Variants in DPP10 observed in about 807,000 individuals in gnomAD.
The protein encoded by DPP10 is dipeptidyl peptidase like 10, also known as inactive dipeptidyl peptidase 10.
DPP10 carries 33 observed loss-of-function variants against 120.9 expected under a neutral mutation model. That is an observed-to-expected ratio of 0.27 (90% CI 0.21 to 0.37). The LOEUF is 0.37. Among genes scored for constraint, DPP10 ranks in the 10% least tolerant of loss-of-function variants. The pLI is 1.00. For synonymous variants in DPP10, 337 were observed against 326.1 expected (o/e 1.03, Z -0.36); for missense variants, 816 against 942.8 (o/e 0.87, Z 1.76).
In DPP10 at chr2:115,098,426, A is replaced by G. The variant is rs115608940; in HGVS notation, c.61-210813A>G. 1.0e-2 allele frequency among the ~76,000 whole-genome samples: 1,519 copies of G among 152,250 alleles called. 24 individuals carry two copies. Among genetic ancestry groups the G allele is most frequent in the African/African-American group, 0.034 (1,417 of 41,540 alleles). On this transcript the variant is annotated intron_variant, in intron 1 of 25. Transcript: ENST00000410059. ...TCATTGTACGAACATCATAGAGCAT[A>G]CTTACGGAAACCTAGACTGTATAGC...
intron 1 of DPP10, among the ~76,000 whole-genome samples, chr2:115,129,633 T>A (rs2050241419): frequency 6.6e-6 from 1 of 152,176 alleles, no homozygotes; most frequent in African/African-American, 2.4e-5. Flanking sequence ...CATCACGATT[T>A]CTGTCATTTG....
At chr2:115,723,012 GTGCCAGAGCCAC>G (rs1302293859) in intron 7 of DPP10, among the ~76,000 whole-genome samples, 1 of 152,156 alleles carries the variant, frequency 6.6e-6, no homozygotes, top group Non-Finnish European at 1.5e-5. Context: ...TGAGGCTGGT[GTGCCAGAGCCAC>G]TGCCAGAGGC....
chr2:114,740,673 C>T (rs1677959259), intron 1 of DPP10, among the ~76,000 whole-genome samples: 1 of 152,124 alleles, frequency 6.6e-6, no homozygotes, highest in Non-Finnish European at 1.5e-5. Flanking sequence ...AAGCCAGATG[C>T]ATTTCAAGTG....
chr2:115,747,823 G>A (rs1678187675), intron 10 of DPP10, among the ~76,000 whole-genome samples: 1 of 152,068 alleles, frequency 6.6e-6, no homozygotes, highest in South Asian at 2.1e-4. Context: ...TCAATCTCTT[G>A]ACCTCGTGAT....
intron 17 of DPP10, among the ~76,000 whole-genome samples, chr2:115,784,324 A>T (rs1308016440): frequency 6.6e-6 from 1 of 152,188 alleles, no homozygotes; most frequent in Middle Eastern, 3.2e-3. Context: ...AGAATAGTGC[A>T]TGGAGAGAAA....
intron 21 of DPP10, among the ~76,000 whole-genome samples, chr2:115,830,549 G>A (rs1185203328): frequency 6.6e-6 from 1 of 152,144 alleles, no homozygotes; most frequent in African/African-American, 2.4e-5. Context: ...AGTGGTCAAA[G>A]AGTAGAAGAA....
chr2:115,660,093 T>C lies in DPP10; in HGVS notation c.442-29594T>C, dbSNP rs112988580. 1.3e-3 allele frequency among the ~76,000 whole-genome samples: 203 copies of C among 152,326 alleles called. 1 individual carries two copies. The highest frequency in any genetic ancestry group is 4.4e-3 in the African/African-American group (182 of 41,584). Reference sequence around the variant, plus strand: ...TGTGTCACAATCAACATGCTCAGCATTTTTCATGTGTTATTTTCCATTTGT... The same window carrying C: ...TGTGTCACAATCAACATGCTCAGCACTTTTCATGTGTTATTTTCCATTTGT... On this transcript the variant is annotated intron_variant, in intron 5 of 25. Coordinates refer to ENST00000410059, the MANE Select transcript of DPP10 (RefSeq NM_020868.6).
At chr2:114,528,711 T>G (rs1685712621) in intron 1 of DPP10, among the ~76,000 whole-genome samples, 1 of 151,418 alleles carries the variant, frequency 6.6e-6, no homozygotes, top group Admixed American at 6.6e-5. Flanking sequence ...TCATCTGAAC[T>G]CACATCTCAA....
chr2:115,695,629 A>G (rs1036880817), intron 7 of DPP10, among the ~76,000 whole-genome samples: 3 of 152,168 alleles, frequency 2.0e-5, no homozygotes, highest in African/African-American at 7.2e-5. Flanking sequence ...AGTCCCTACC[A>G]TGACATGTGG....
At chr2:115,686,402 G>T (rs1051645271) in intron 5 of DPP10, among the ~76,000 whole-genome samples, 1 of 151,972 alleles carries the variant, frequency 6.6e-6, no homozygotes, top group Non-Finnish European at 1.5e-5. Flanking sequence ...TATGAAGTAG[G>T]TTATAGGTTA....
At chr2:114,542,511 A>C (rs748435624) in intron 1 of DPP10, among the ~76,000 whole-genome samples, 89 of 152,150 alleles carry the variant, frequency 5.8e-4, no homozygotes, top group Admixed American at 1.6e-3. Flanking sequence ...TTTTGGATTT[A>C]AACCTCTTCA....
intron 1 of DPP10, among the ~76,000 whole-genome samples, chr2:114,719,977 G>A (rs1701600796): frequency 6.6e-6 from 1 of 152,186 alleles, no homozygotes; most frequent in Admixed American, 6.5e-5. Context: ...ACAGACTTCA[G>A]TCTTTCTTCC....
At chr2:114,635,146 CAATAT>C (rs1558952493) in intron 1 of DPP10, among the ~76,000 whole-genome samples, 1 of 151,038 alleles carries the variant, frequency 6.6e-6, no homozygotes, top group East Asian at 1.9e-4. Context: ...TTTCTGTTTG[CAATAT>C]AAGATATTCT....
intron 9 of DPP10, among the ~76,000 whole-genome samples, chr2:115,742,392 C>G (rs1175743628): frequency 6.6e-6 from 1 of 152,102 alleles, no homozygotes; most frequent in Non-Finnish European, 1.5e-5. Context: ...TTCTTAGCCT[C>G]AAACCTGTCA....
intron 1 of DPP10, among the ~76,000 whole-genome samples, chr2:114,733,439 C>T (rs769180261): frequency 1.3e-5 from 2 of 152,092 alleles, no homozygotes; most frequent in Admixed American, 6.6e-5. Context: ...ACATTTAGAA[C>T]ATACTATGAA....
intron 7 of DPP10, among the ~76,000 whole-genome samples, chr2:115,703,991 A>T (rs1443499431): frequency 6.6e-6 from 1 of 152,008 alleles, no homozygotes; most frequent in Non-Finnish European, 1.5e-5. Context: ...TTCAGCCACC[A>T]TCCGCAGAAA....
chr2:115,321,102 C>T (rs537635325), intron 2 of DPP10, among the ~76,000 whole-genome samples: 352 of 152,234 alleles, frequency 2.3e-3, no homozygotes, highest in Non-Finnish European at 4.3e-3. Context: ...GAGTTTGAGA[C>T]CAGCCTGGCC....
chr2:115,722,457 C>T (rs969793783), intron 7 of DPP10, among the ~76,000 whole-genome samples: 2 of 151,742 alleles, frequency 1.3e-5, no homozygotes, highest in Admixed American at 6.6e-5. Flanking sequence ...AGAAACGTGT[C>T]GTTACGCAAT....
intron 1 of DPP10, among the ~76,000 whole-genome samples, chr2:115,054,429 T>C (rs12711817): frequency 0.97 from 147,363 of 152,236 alleles, 71,529 homozygotes; most frequent in Middle Eastern, 1. Context: ...CATTGCAAAA[T>C]TCACCAAATG....
Sources: gnomAD v4.1 joint callset for allele counts (sites outside exome capture counted in the v4.1 genomes callset) on GRCh38, gnomAD v4.1.1 for gene constraint, MANE v1.5 for transcripts, NCBI Gene and HGNC (gene_info 2026-07-23, HGNC 2026-07-21) for gene names.